Variants in MAGI2 observed in about 807,000 individuals in gnomAD.
MAGI2 encodes membrane associated guanylate kinase, WW and PDZ domain containing 2.
In MAGI2, 35 loss-of-function variants were observed where a neutral mutation model predicts 133.3. The ratio of observed to expected loss-of-function variants is 0.26; its 90% confidence interval spans 0.20 to 0.35. MAGI2 has a LOEUF of 0.35. Among genes scored for constraint, MAGI2 ranks in the 10% least tolerant of loss-of-function variants. The probability of loss-of-function intolerance (pLI) is 1.00; values close to 1 mark genes in which losing one functional copy is unlikely to be tolerated. For missense variants in MAGI2, 1,636 were observed against 1,863.4 expected, an observed-to-expected ratio of 0.88 and a Z score of 2.25; for synonymous variants, 729 against 710.6, an observed-to-expected ratio of 1.03 and a Z score of -0.41.
intron 1 of MAGI2, among the ~76,000 whole-genome samples, chr7:79,380,613 C>A (rs1843707761): frequency 6.6e-6 from 1 of 151,616 alleles, no homozygotes; most frequent in African/African-American, 2.4e-5. Context: ...TAGTTCTGAT[C>A]TTCTATCATT....
chr7:79,123,136 T>C (rs1820063158), intron 1 of MAGI2, among the ~76,000 whole-genome samples: 1 of 152,158 alleles, frequency 6.6e-6, no homozygotes, highest in South Asian at 2.1e-4. Flanking sequence ...TCTGAAATAA[T>C]ATAAAATAGT....
intron 6 of MAGI2, among the ~76,000 whole-genome samples, chr7:78,385,814 T>A (rs1795332420): frequency 6.6e-6 from 1 of 152,222 alleles, no homozygotes; most frequent in South Asian, 2.1e-4. Context: ...TAGGTTATAA[T>A]TAATTTTGAA....
intron 2 of MAGI2, among the ~76,000 whole-genome samples, chr7:78,831,127 T>C (rs940265685): frequency 2.6e-5 from 4 of 152,242 alleles, no homozygotes; most frequent in African/African-American, 9.6e-5. Flanking sequence ...ATCTCATCAA[T>C]ACAAGCAAAA....
chr7:78,293,326 G>A (rs798339), intron 9 of MAGI2, among the ~76,000 whole-genome samples: 106,931 of 152,094 alleles, frequency 0.7, 38,123 homozygotes, highest in African/African-American at 0.81. Context: ...CAACAGACAC[G>A]TGAAAAAATG....
intron 2 of MAGI2, among the ~76,000 whole-genome samples, chr7:78,883,936 T>A (rs1034700936): frequency 2.6e-5 from 4 of 152,190 alleles, no homozygotes; most frequent in African/African-American, 9.7e-5. Flanking sequence ...ATTTTGGATA[T>A]AAGCCTTGGC....
At position 78,488,875 on chromosome 7, in the gene MAGI2, T is replaced by G. The variant is rs1011455124; in HGVS notation, c.1045+886A>C. 2.0e-5 allele frequency among the ~76,000 whole-genome samples: 3 copies of G among 152,192 alleles called. No individual in the cohort carries two copies. The East Asian group carries it at 5.8e-4, about 29-fold the overall frequency. On this transcript the variant is annotated intron_variant, in intron 6 of 21. Transcript: ENST00000354212. ...TAGAATGAGACACTTTTTTAAAAGT[T>G]AACTTTTTAAAAACTTTGTTTAACG... is the stretch of plus-strand genomic sequence containing the variant.
At chr7:78,310,633 C>T (rs1798624541) in intron 9 of MAGI2, among the ~76,000 whole-genome samples, 2 of 151,930 alleles carry the variant, frequency 1.3e-5, no homozygotes, top group South Asian at 2.1e-4. Flanking sequence ...GGGATGTTTA[C>T]TAAGATGACA....
chr7:78,627,379 T>C, intron 2 of MAGI2, 140 bp from the exon 3 acceptor site: 5 of 712,924 alleles, frequency 7.0e-6, no homozygotes, highest in Non-Finnish European at 1.0e-5. Flanking sequence ...TGTCCTTCTG[T>C]TTGTTTGGCA....
intron 6 of MAGI2, among the ~76,000 whole-genome samples, chr7:78,388,403 G>A (rs977345846): frequency 2.0e-5 from 3 of 151,970 alleles, no homozygotes; most frequent in Admixed American, 6.6e-5. Context: ...TAGAGTGTGC[G>A]GCAGGTAAAA....
intron 2 of MAGI2, among the ~76,000 whole-genome samples, chr7:78,632,949 T>C (rs1010602219): frequency 3.3e-5 from 5 of 152,170 alleles, no homozygotes; most frequent in African/African-American, 1.2e-4. Context: ...CACACGAATG[T>C]TCACTGCAGC....
chr7:79,100,551 C>T, intron 1 of MAGI2, among the ~76,000 whole-genome samples: 1 of 151,122 alleles, frequency 6.6e-6, no homozygotes, highest in Non-Finnish European at 1.5e-5. Context: ...TATTCATTTT[C>T]TACTTTTTAA....
chr7:78,087,878 C>T (rs1391329155), intron 20 of MAGI2, among the ~76,000 whole-genome samples: 5 of 152,090 alleles, frequency 3.3e-5, no homozygotes, highest in Admixed American at 3.3e-4. Context: ...ACATTTTCTA[C>T]AAAGGAAAAA....
chr7:78,861,336 G>A lies in MAGI2; in HGVS notation c.418+145754C>T, dbSNP rs150719761. ...ATGCTGGGAGTTTCAGACTAGAGCTGTTCCTATTTGGCCATCTTGGAACCT... is the reference window on the plus strand; with the variant it reads ...ATGCTGGGAGTTTCAGACTAGAGCTATTCCTATTTGGCCATCTTGGAACCT... On this transcript the variant is annotated intron_variant, in intron 2 of 21. Coordinates refer to ENST00000354212, the MANE Select transcript of MAGI2 (RefSeq NM_012301.4). 2.7e-3 allele frequency among the ~76,000 whole-genome samples: 406 copies of A among 152,286 alleles called. 1 individual carries two copies. The highest frequency in any genetic ancestry group is 4.6e-3 in the Admixed American group (70 of 15,296).
chr7:79,113,057 G>T (rs988272846), intron 1 of MAGI2, among the ~76,000 whole-genome samples: 2 of 152,182 alleles, frequency 1.3e-5, no homozygotes, highest in Non-Finnish European at 2.9e-5. Context: ...CAGAGTTATT[G>T]TCTATGCTTT....
intron 10 of MAGI2, among the ~76,000 whole-genome samples, chr7:78,211,951 G>T (rs1787804564): frequency 3.9e-5 from 6 of 152,166 alleles, no homozygotes; most frequent in Admixed American, 2.6e-4. Context: ...AGGTGAGAAG[G>T]TTTAACCTCA....
intron 1 of MAGI2, among the ~76,000 whole-genome samples, chr7:79,070,027 T>C (rs1473298014): frequency 6.6e-6 from 1 of 152,168 alleles, no homozygotes; most frequent in Non-Finnish European, 1.5e-5. Flanking sequence ...TCTCTCTGCC[T>C]ACCCTTAACT....
intron 6 of MAGI2, among the ~76,000 whole-genome samples, chr7:78,437,615 C>T (rs1787174636): frequency 6.6e-6 from 1 of 152,088 alleles, no homozygotes; most frequent in Non-Finnish European, 1.5e-5. Flanking sequence ...AATACCAGCA[C>T]CAGAGCAGCA....
chr7:78,678,779 T>G (rs1158911060), intron 2 of MAGI2, among the ~76,000 whole-genome samples: 1 of 152,180 alleles, frequency 6.6e-6, no homozygotes, highest in Admixed American at 6.5e-5. Context: ...ATTTTAACCA[T>G]GTTGCCCAAA....
At chr7:79,147,978 A>C (rs533897960) in intron 1 of MAGI2, among the ~76,000 whole-genome samples, 20 of 152,150 alleles carry the variant, frequency 1.3e-4, no homozygotes, top group Non-Finnish European at 4.4e-5. Flanking sequence ...TTGCTACTGT[A>C]CATAGATAAA....
Sources: allele counts gnomAD v4.1 joint callset (sites outside exome capture counted in the v4.1 genomes callset), GRCh38; gene constraint gnomAD v4.1.1; transcripts MANE v1.5; gene names NCBI Gene and HGNC (gene_info 2026-07-23, HGNC 2026-07-21).